GRIN2A: variants seen among roughly 807,000 people sequenced by gnomAD.
The protein encoded by GRIN2A is glutamate receptor ionotropic, NMDA 2A.
GRIN2A carries 22 observed loss-of-function variants against 113.4 expected under a neutral mutation model. The observed-to-expected ratio is 0.19, with a 90% CI of 0.14 to 0.28. GRIN2A has a LOEUF of 0.28. Ranked by LOEUF, GRIN2A falls within the 10% of genes least tolerant of loss-of-function variation. GRIN2A has a pLI of 1.00. For synonymous variants in GRIN2A, 827 were observed against 738.4 expected, an observed-to-expected ratio of 1.12 and a Z score of -1.94; for missense variants, 1,502 against 1,887.0, an observed-to-expected ratio of 0.80 and a Z score of 3.78.
chr16:10,121,324 C>T (rs2048828421), intron 2 of GRIN2A: 1 of 152,326 alleles, frequency 6.6e-6, no homozygotes, highest in Middle Eastern at 3.4e-3. Flanking sequence ...GGAAAGTCAC[C>T]TACCTTGTTT....
intron 2 of GRIN2A, among the ~76,000 whole-genome samples, chr16:10,043,393 G>T (rs895908371): frequency 6.6e-6 from 1 of 152,164 alleles, no homozygotes; most frequent in East Asian, 1.9e-4. Flanking sequence ...CAGAAAGGCA[G>T]CCGGGATCAC....
intron 11 of GRIN2A, among the ~76,000 whole-genome samples, chr16:9,779,936 T>C (rs1449151513): frequency 6.6e-6 from 1 of 152,210 alleles, no homozygotes; most frequent in Admixed American, 6.5e-5. Flanking sequence ...TCTGCCCCCA[T>C]TGTACTGACA....
At chr16:9,920,754 T>C (rs945290585) in intron 3 of GRIN2A, among the ~76,000 whole-genome samples, 1 of 152,036 alleles carries the variant, frequency 6.6e-6, no homozygotes, top group African/African-American at 2.4e-5. Context: ...TTTTAGTAGA[T>C]GGGGTTTCAC....
intron 2 of GRIN2A, among the ~76,000 whole-genome samples, chr16:9,977,355 C>T (rs560367807): frequency 1.3e-4 from 20 of 152,226 alleles, no homozygotes; most frequent in African/African-American, 4.8e-4. Flanking sequence ...TTATCATTTG[C>T]TAATTGAGTG....
Position 9,762,217 on chromosome 16 carries a change from AG to A in GRIN2A, c.*931del, listed in dbSNP as rs1900616103. On this transcript the variant is annotated 3_prime_UTR_variant, in exon 13 of 13. Transcript: ENST00000330684. ...CGAGTTATGGTTACTCTGGGAGGGA[AG>A]GGGTAACAGATACTATACAACCCTG... 4.5e-6 allele frequency: 1 copy of A among 221,466 alleles called. No homozygotes were observed. The highest frequency in any genetic ancestry group is 9.1e-6 in the Non-Finnish European group (1 of 110,364). 13.7% of individuals were successfully genotyped at this position (221,466 alleles called of 1,614,324 possible). A position where few individuals can be genotyped will look rare whatever the true frequency, so the allele number is the denominator to read the frequency against.
At chr16:10,059,685 T>G (rs1309121919) in intron 2 of GRIN2A, among the ~76,000 whole-genome samples, 1 of 133,972 alleles carries the variant, frequency 7.5e-6, no homozygotes, top group Non-Finnish European at 1.5e-5. Context: ...TGAAGGGCCA[T>G]GGAACTAAAG....
chr16:10,027,111 G>A (rs958190228), intron 2 of GRIN2A, among the ~76,000 whole-genome samples: 1 of 152,186 alleles, frequency 6.6e-6, no homozygotes, highest in Non-Finnish European at 1.5e-5. Context: ...AGACAGGTTT[G>A]TTGACTGCTG....
At chr16:9,956,925 T>G (rs2045324429) in intron 2 of GRIN2A, among the ~76,000 whole-genome samples, 1 of 152,042 alleles carries the variant, frequency 6.6e-6, no homozygotes, top group Admixed American at 6.6e-5. Context: ...GGGGTGAGGG[T>G]GAAAGAGACT....
chr16:10,078,467 G>C (rs568884565), intron 2 of GRIN2A, among the ~76,000 whole-genome samples: 16 of 85,624 alleles, frequency 1.9e-4, no homozygotes, highest in Admixed American at 7.2e-4. Context: ...GCAAGACAAG[G>C]GGGGAAAAGC....
intron 3 of GRIN2A, among the ~76,000 whole-genome samples, chr16:9,929,145 T>G (rs2044532632): frequency 6.6e-6 from 1 of 152,234 alleles, no homozygotes; most frequent in African/African-American, 2.4e-5. Flanking sequence ...CAGGCCCTCC[T>G]GAGTCATCAT....
At chr16:9,926,025 C>G (rs1459911104) in intron 3 of GRIN2A, among the ~76,000 whole-genome samples, 1 of 152,212 alleles carries the variant, frequency 6.6e-6, no homozygotes. Context: ...TTGCCATTCA[C>G]TTGACAAATG....
At chr16:9,907,062 C>A (rs1391067062) in intron 3 of GRIN2A, among the ~76,000 whole-genome samples, 3 of 152,174 alleles carry the variant, frequency 2.0e-5, no homozygotes, top group Non-Finnish European at 2.9e-5. Flanking sequence ...ATCTGCCCAC[C>A]TTGGCCTCCC....
At chr16:9,817,295 G>C (rs557674545) in intron 10 of GRIN2A, among the ~76,000 whole-genome samples, 1 of 152,282 alleles carries the variant, frequency 6.6e-6, no homozygotes, top group Admixed American at 6.5e-5. Flanking sequence ...TCAAAATCAC[G>C]TGGTGTGGCG....
At chr16:9,850,480 A>G (rs1471423496) in intron 4 of GRIN2A, among the ~76,000 whole-genome samples, 1 of 152,176 alleles carries the variant, frequency 6.6e-6, no homozygotes, top group Non-Finnish European at 1.5e-5. Context: ...CAACATAGGT[A>G]CTCCATATTG....
intron 4 of GRIN2A, among the ~76,000 whole-genome samples, chr16:9,888,245 G>C (rs1476981586): frequency 5.9e-5 from 9 of 152,110 alleles, no homozygotes; most frequent in African/African-American, 2.2e-4. Flanking sequence ...AAGAGGGCTG[G>C]GCACAGTGGC....
At chr16:10,039,807 GGGAGAA>G (rs1567253925) in intron 2 of GRIN2A, among the ~76,000 whole-genome samples, 12 of 84,792 alleles carry the variant, frequency 1.4e-4, no homozygotes, top group African/African-American at 5.2e-4. Context: ...GGGGAGGGGG[GGGAGAA>G]AGAGAGAGAG....
At chr16:10,127,365 T>G (rs184662567) in intron 2 of GRIN2A, among the ~76,000 whole-genome samples, 3 of 152,244 alleles carry the variant, frequency 2.0e-5, no homozygotes, top group Admixed American at 1.3e-4. Flanking sequence ...TCAAGAACTT[T>G]CTCACCACTC....
At chr16:10,016,772 C>T (rs2046618840) in intron 2 of GRIN2A, among the ~76,000 whole-genome samples, 1 of 152,202 alleles carries the variant, frequency 6.6e-6, no homozygotes, top group Non-Finnish European at 1.5e-5. Flanking sequence ...GGCCTCCCGG[C>T]CTGGACTCGC....
intron 3 of GRIN2A, among the ~76,000 whole-genome samples, chr16:9,928,822 C>T (rs993200230): frequency 2.0e-5 from 3 of 152,206 alleles, no homozygotes; most frequent in African/African-American, 7.2e-5. Context: ...CAAAACTTGA[C>T]TTGCCATACT....
Sources: gnomAD v4.1 joint callset for allele counts (sites outside exome capture counted in the v4.1 genomes callset) on GRCh38, gnomAD v4.1.1 for gene constraint, MANE v1.5 for transcripts, NCBI Gene and HGNC (gene_info 2026-07-23, HGNC 2026-07-21) for gene names.